SGCZ: variants seen among roughly 807,000 people sequenced by gnomAD.
The protein encoded by SGCZ is zeta-sarcoglycan.
SGCZ carries 40 observed loss-of-function variants against 41.3 expected under a neutral mutation model. That is an observed-to-expected ratio of 0.97 (90% CI 0.75 to 1.26). SGCZ has a LOEUF of 1.26. SGCZ is among the 50% of genes most tolerant of loss of function. The probability of loss-of-function intolerance (pLI) is 0.00; values close to 1 mark genes in which losing one functional copy is unlikely to be tolerated. For synonymous variants in SGCZ, 206 were observed against 137.5 expected (o/e 1.50, Z -3.49); for missense variants, 552 against 369.8 (o/e 1.49, Z -4.04).
chr8:14,955,642 A>C lies in SGCZ; in HGVS notation c.39+281943T>G, dbSNP rs73203305. 1.9e-3 allele frequency among the ~76,000 whole-genome samples: 288 copies of C among 152,338 alleles called. 2 individuals carry two copies. The highest frequency in any genetic ancestry group is 3.4e-3 in the Middle Eastern group (1 of 294). The stretch of plus-strand genomic sequence containing the variant: ...TATGATTTCACTTTCCTAGTTACTA[A>C]AAAGGTTGATTTTCAAATATTTAAT... On this transcript the variant is annotated intron_variant, in intron 1 of 7. Transcript: ENST00000382080.
intron 1 of SGCZ, among the ~76,000 whole-genome samples, chr8:14,698,484 C>T (rs779855873): frequency 4.6e-5 from 7 of 151,668 alleles, no homozygotes; most frequent in Non-Finnish European, 8.8e-5. Context: ...ATTATAAAAG[C>T]TATAAAACAC....
intron 2 of SGCZ, among the ~76,000 whole-genome samples, chr8:14,326,623 G>A (rs570400940): frequency 1.3e-5 from 2 of 152,088 alleles, no homozygotes; most frequent in Non-Finnish European, 2.9e-5. Flanking sequence ...TGTCAAAACT[G>A]ATGCTGGAAA....
intron 2 of SGCZ, among the ~76,000 whole-genome samples, chr8:14,505,972 A>G (rs1369036137): frequency 6.6e-6 from 1 of 152,066 alleles, no homozygotes; most frequent in East Asian, 1.9e-4. Flanking sequence ...ATGTGATGCT[A>G]TGTCCTTCCC....
intron 3 of SGCZ, among the ~76,000 whole-genome samples, chr8:14,274,556 C>G (rs192798856): frequency 6.6e-6 from 1 of 152,144 alleles, no homozygotes; most frequent in South Asian, 2.1e-4. Context: ...GGATTTAATA[C>G]AGTCTTCACT....
chr8:14,552,178 C>A (rs67971905), intron 2 of SGCZ, among the ~76,000 whole-genome samples: 44,398 of 151,786 alleles, frequency 0.29, 6,976 homozygotes, highest in East Asian at 0.52. Context: ...AAAAACATAA[C>A]ATTGGTTTTA....
At chr8:14,617,630 T>G (rs1320275693) in intron 1 of SGCZ, among the ~76,000 whole-genome samples, 1 of 152,142 alleles carries the variant, frequency 6.6e-6, no homozygotes, top group East Asian at 1.9e-4. Flanking sequence ...GAACTAAATG[T>G]GGAGTGGTAA....
intron 3 of SGCZ, among the ~76,000 whole-genome samples, chr8:14,258,739 C>A (rs569564590): frequency 1.3e-5 from 2 of 152,236 alleles, no homozygotes; most frequent in African/African-American, 4.8e-5. Flanking sequence ...CATTAAACTG[C>A]AGTTTGTATA....
chr8:14,931,100 G>C (rs1799912325), intron 1 of SGCZ, among the ~76,000 whole-genome samples: 1 of 151,916 alleles, frequency 6.6e-6, no homozygotes, highest in Admixed American at 6.6e-5. Context: ...CTGGTATGAG[G>C]CTTTTAACGA....
intron 2 of SGCZ, among the ~76,000 whole-genome samples, chr8:14,398,232 G>T (rs947013498): frequency 6.6e-6 from 1 of 152,142 alleles, no homozygotes; most frequent in Non-Finnish European, 1.5e-5. Context: ...GAAGGTGGGA[G>T]AGTTATTCGA....
intron 2 of SGCZ, among the ~76,000 whole-genome samples, chr8:14,409,756 T>A (rs1055756643): frequency 3.3e-5 from 5 of 152,172 alleles, no homozygotes; most frequent in Admixed American, 1.3e-4. Context: ...TAAAATCTAC[T>A]GATATACATA....
chr8:14,612,684 G>T (rs543924738), intron 1 of SGCZ, among the ~76,000 whole-genome samples: 2 of 151,522 alleles, frequency 1.3e-5, no homozygotes, highest in African/African-American at 4.9e-5. Flanking sequence ...TTTTTGTTTT[G>T]TTTTGTTTTG....
intron 1 of SGCZ, among the ~76,000 whole-genome samples, chr8:15,007,551 A>G (rs1201062506): frequency 6.6e-6 from 1 of 152,214 alleles, no homozygotes. Context: ...AACTCAAGGC[A>G]TATCTGTGTT....
chr8:14,247,994 A>G (rs1041122316), intron 3 of SGCZ, among the ~76,000 whole-genome samples: 1 of 152,252 alleles, frequency 6.6e-6, no homozygotes, highest in African/African-American at 2.4e-5. Context: ...CGACTAAGGT[A>G]AAGCAGTAAT....
intron 1 of SGCZ, among the ~76,000 whole-genome samples, chr8:14,769,402 A>T (rs767815219): frequency 7.2e-5 from 11 of 152,184 alleles, no homozygotes; most frequent in South Asian, 2.1e-4. Context: ...AACTTTTTTT[A>T]AAAAAGTTCA....
At chr8:14,770,468 A>G (rs1800197627) in intron 1 of SGCZ, among the ~76,000 whole-genome samples, 1 of 151,820 alleles carries the variant, frequency 6.6e-6, no homozygotes, top group South Asian at 2.1e-4. Flanking sequence ...AAACTCATGT[A>G]TGATTGCCAT....
intron 1 of SGCZ, among the ~76,000 whole-genome samples, chr8:14,944,702 T>A (rs1036994378): frequency 6.6e-6 from 1 of 152,164 alleles, no homozygotes; most frequent in Non-Finnish European, 1.5e-5. Flanking sequence ...CAGGGTTACA[T>A]CCTGATAAAC....
At chr8:14,418,087 A>G (rs1799544903) in intron 2 of SGCZ, among the ~76,000 whole-genome samples, 1 of 151,902 alleles carries the variant, frequency 6.6e-6, no homozygotes, top group Admixed American at 6.6e-5. Context: ...TGTGAATTCA[A>G]GGTGAATGAG....
At chr8:14,549,799 T>C (rs1007209397) in intron 2 of SGCZ, among the ~76,000 whole-genome samples, 1 of 151,886 alleles carries the variant, frequency 6.6e-6, no homozygotes. Flanking sequence ...AAAGGCCACA[T>C]AAATAAGGAA....
At chr8:14,823,055 T>TTAAAAAAAAAAAAAA (rs1491314386) in intron 1 of SGCZ, among the ~76,000 whole-genome samples, 2 of 75,488 alleles carry the variant, frequency 2.6e-5, no homozygotes, top group African/African-American at 4.6e-5. Context: ...CCAATCCTCA[T>TTAAAAAAAAAAAAAA]AAAAAAAAAA....
Sources: allele counts gnomAD v4.1 joint callset (sites outside exome capture counted in the v4.1 genomes callset), GRCh38; gene constraint gnomAD v4.1.1; transcripts MANE v1.5; gene names NCBI Gene and HGNC (gene_info 2026-07-23, HGNC 2026-07-21).